Variants in PPP2R2B observed in about 807,000 individuals in gnomAD.
PPP2R2B encodes protein phosphatase 2 regulatory subunit Bbeta.
A neutral mutation model predicts 46.0 loss-of-function variants in PPP2R2B; 5 were observed. That is an observed-to-expected ratio of 0.11 (90% CI 0.06 to 0.23). PPP2R2B has a LOEUF of 0.23. PPP2R2B is among the 10% of genes least tolerant of loss of function. The probability of loss-of-function intolerance (pLI) is 1.00; values close to 1 mark genes in which losing one functional copy is unlikely to be tolerated. For missense variants in PPP2R2B, 367 were observed against 575.0 expected (o/e 0.64, Z 3.70); for synonymous variants, 215 against 206.7 (o/e 1.04, Z -0.34).
intron 2 of PPP2R2B, chr5:146,706,554 G>T: frequency 9.9e-7 from 1 of 1,013,376 alleles, no homozygotes; most frequent in Admixed American, 1.7e-5. Context: ...CTGAAGGGCG[G>T]CCTCCAGCTC....
intron 4 of PPP2R2B, among the ~76,000 whole-genome samples, chr5:146,697,007 T>C (rs138412400): frequency 3.9e-5 from 6 of 152,348 alleles, no homozygotes; most frequent in African/African-American, 1.4e-4. Flanking sequence ...TTTAAAAATA[T>C]TCATGTATGT....
At chr5:146,891,542 T>A (rs1014749563) in intron 1 of PPP2R2B, among the ~76,000 whole-genome samples, 2 of 152,208 alleles carry the variant, frequency 1.3e-5, no homozygotes, top group Admixed American at 1.3e-4. Context: ...TAAAGGAGTA[T>A]GAAACTCATG....
chr5:147,007,577 A>G (rs1208010849), intron 1 of PPP2R2B, among the ~76,000 whole-genome samples: 1 of 152,108 alleles, frequency 6.6e-6, no homozygotes, highest in East Asian at 1.9e-4. Flanking sequence ...CTTCCACACT[A>G]TGGAAGATTT....
At chr5:146,886,960 AC>A (rs1762348978) in intron 1 of PPP2R2B, among the ~76,000 whole-genome samples, 1 of 152,072 alleles carries the variant, frequency 6.6e-6, no homozygotes, top group Non-Finnish European at 1.5e-5. Flanking sequence ...ACATATAAAA[AC>A]ATATATGTGA....
chr5:147,063,998 G>A (rs752447716), intron 2 of PPP2R2B, among the ~76,000 whole-genome samples: 1 of 152,208 alleles, frequency 6.6e-6, no homozygotes, highest in Non-Finnish European at 1.5e-5. Flanking sequence ...AGAAAATGTT[G>A]TACCTGTTGT....
chr5:146,811,145 A>C (rs1045351978), intron 2 of PPP2R2B, among the ~76,000 whole-genome samples: 1 of 152,102 alleles, frequency 6.6e-6, no homozygotes, highest in African/African-American at 2.4e-5. Flanking sequence ...CTGGGATTAC[A>C]GGCATGTGCC....
At chr5:146,643,600 G>C (rs1388760928) in intron 6 of PPP2R2B, among the ~76,000 whole-genome samples, 1 of 152,092 alleles carries the variant, frequency 6.6e-6, no homozygotes, top group Non-Finnish European at 1.5e-5. Flanking sequence ...GGAAAGGGTG[G>C]GAAGGAGGTG....
At chr5:146,748,208 G>A (rs976294188) in intron 2 of PPP2R2B, among the ~76,000 whole-genome samples, 5 of 152,066 alleles carry the variant, frequency 3.3e-5, no homozygotes, top group East Asian at 1.9e-4. Flanking sequence ...AGTAAGTGGC[G>A]TAGCAGGAAT....
chr5:147,010,729 C>G (rs1398182379), intron 1 of PPP2R2B, among the ~76,000 whole-genome samples: 2 of 152,124 alleles, frequency 1.3e-5, no homozygotes, highest in Admixed American at 6.5e-5. Context: ...CAGTTCTTAA[C>G]AGGCCACGGA....
intron 2 of PPP2R2B, among the ~76,000 whole-genome samples, chr5:146,870,675 C>T (rs1474498432): frequency 6.6e-6 from 1 of 152,186 alleles, no homozygotes; most frequent in East Asian, 1.9e-4. Flanking sequence ...AGGTACTCTT[C>T]GCCACGCTCC....
intron 1 of PPP2R2B, among the ~76,000 whole-genome samples, chr5:147,022,552 C>G (rs371794028): frequency 0.035 from 3,890 of 112,076 alleles, 168 homozygotes; most frequent in African/African-American, 0.11. Flanking sequence ...GAGCAAGGCT[C>G]CATCCAAAAA....
intron 1 of PPP2R2B, among the ~76,000 whole-genome samples, chr5:146,921,051 G>C (rs1763588131): frequency 6.6e-6 from 1 of 152,124 alleles, no homozygotes; most frequent in African/African-American, 2.4e-5. Context: ...TCTGGTCTTT[G>C]TTCTTCAGTA....
At chr5:146,905,981 T>C (rs539207675) in intron 1 of PPP2R2B, among the ~76,000 whole-genome samples, 1 of 152,234 alleles carries the variant, frequency 6.6e-6, no homozygotes, top group Non-Finnish European at 1.5e-5. Context: ...TAAATAAAAT[T>C]TAAATGGAAA....
At chr5:146,988,159 T>C (rs1753519473) in intron 1 of PPP2R2B, among the ~76,000 whole-genome samples, 1 of 151,844 alleles carries the variant, frequency 6.6e-6, no homozygotes, top group African/African-American at 2.4e-5. Flanking sequence ...TTGACTGCAA[T>C]ACAATAATAG....
At chr5:146,698,337 T>A (rs1474431225) in intron 3 of PPP2R2B, among the ~76,000 whole-genome samples, 193 bp from the exon 4 acceptor site, 5 of 128,948 alleles carry the variant, frequency 3.9e-5, no homozygotes, top group South Asian at 2.4e-4. Context: ...TATATATATA[T>A]ATATATATAT....
intron 1 of PPP2R2B, among the ~76,000 whole-genome samples, chr5:146,968,982 T>C (rs993903870): frequency 2.0e-5 from 3 of 152,234 alleles, no homozygotes; most frequent in African/African-American, 7.2e-5. Context: ...AACAACCAGT[T>C]CAAAACAATT....
chr5:147,036,109 C>T (rs1158534703), intron 1 of PPP2R2B, among the ~76,000 whole-genome samples: 1 of 152,082 alleles, frequency 6.6e-6, no homozygotes, highest in African/African-American at 2.4e-5. Context: ...ATCCCATCAC[C>T]CAGGAACTAA....
chr5:146,791,673 C>G (rs768573500), intron 2 of PPP2R2B, among the ~76,000 whole-genome samples: 5 of 152,206 alleles, frequency 3.3e-5, no homozygotes, highest in Non-Finnish European at 7.4e-5. Flanking sequence ...TATTCCACTT[C>G]TTGAATGAAT....
intron 5 of PPP2R2B, among the ~76,000 whole-genome samples, chr5:146,659,863 C>T (rs148101506): frequency 1.2e-3 from 186 of 152,222 alleles, no homozygotes; most frequent in Middle Eastern, 3.4e-3. Flanking sequence ...AAAAATGGTC[C>T]ATTCTGAAAG....
Sources: gnomAD v4.1 joint callset for allele counts (sites outside exome capture counted in the v4.1 genomes callset) on GRCh38, gnomAD v4.1.1 for gene constraint, MANE v1.5 for transcripts, NCBI Gene and HGNC (gene_info 2026-07-23, HGNC 2026-07-21) for gene names.